The following INPP5D variants were observed in gnomAD, a reference collection of about 807,000 sequenced individuals.
INPP5D encodes the protein phosphatidylinositol 3,4,5-trisphosphate 5-phosphatase 1.
Under a neutral mutation model 122.9 loss-of-function variants are expected in INPP5D, and 33 were observed. The ratio of observed to expected loss-of-function variants is 0.27; its 90% CI spans 0.20 to 0.36. The LOEUF is 0.36. INPP5D is among the 10% of genes least tolerant of loss of function. The pLI is 1.00. For missense variants in INPP5D, 1,053 were observed against 1,412.7 expected (o/e 0.75, Z 4.08); for synonymous variants, 584 against 576.2 (o/e 1.01, Z -0.19).
At chr2:233,173,296 G>A (rs975955380) in intron 17 of INPP5D, among the ~76,000 whole-genome samples, 7 of 152,082 alleles carry the variant, frequency 4.6e-5, no homozygotes, top group African/African-American at 1.7e-4. Context: ...TGCTCTGGGT[G>A]AGTCAGTGAG....
At chr2:233,159,740 C>CACA (rs1268107932) in intron 10 of INPP5D, among the ~76,000 whole-genome samples, 1 of 149,128 alleles carries the variant, frequency 6.7e-6, no homozygotes, top group African/African-American at 2.5e-5. Context: ...GGGTGTCCAT[C>CACA]ACATCAGGTG....
At chr2:233,156,353 G>A (rs902482904) in intron 9 of INPP5D, among the ~76,000 whole-genome samples, 3 of 152,168 alleles carry the variant, frequency 2.0e-5, no homozygotes, top group East Asian at 1.9e-4. Context: ...GCAGTGACAC[G>A]ATCTTGGCTC....
chr2:233,157,708 A>C (rs1013218884), intron 9 of INPP5D, among the ~76,000 whole-genome samples: 2 of 151,990 alleles, frequency 1.3e-5, no homozygotes, highest in Non-Finnish European at 2.9e-5. Flanking sequence ...ATGTAATAGG[A>C]CATAATGAAA....
At chr2:233,150,697 C>T (rs1184235408) in intron 9 of INPP5D, among the ~76,000 whole-genome samples, 1 of 152,216 alleles carries the variant, frequency 6.6e-6, no homozygotes, top group Non-Finnish European at 1.5e-5. Context: ...GCCAGCCCTT[C>T]ATCGTGAACG....
chr2:233,094,324 C>G (rs1260123764), intron 2 of INPP5D, among the ~76,000 whole-genome samples: 1 of 151,658 alleles, frequency 6.6e-6, no homozygotes, highest in Non-Finnish European at 1.5e-5. Context: ...ACCAGACTGA[C>G]CAACATGGTG....
intron 9 of INPP5D, among the ~76,000 whole-genome samples, chr2:233,153,434 C>T (rs1177502729): frequency 2.0e-5 from 3 of 152,078 alleles, no homozygotes; most frequent in Non-Finnish European, 2.9e-5. Flanking sequence ...AGGCAAAACC[C>T]ACAGGGAAAG....
intron 5 of INPP5D, among the ~76,000 whole-genome samples, chr2:233,138,851 C>G (rs947528724): frequency 2.0e-5 from 3 of 151,944 alleles, no homozygotes; most frequent in African/African-American, 7.3e-5. Context: ...GTTCACACCA[C>G]TCTCCTGCCT....
chr2:233,177,071 G>T lies in INPP5D; in HGVS notation c.1990-194G>T, dbSNP rs1694657804. Among the ~76,000 whole-genome samples the T allele has an allele frequency of 6.6e-6, 1 of 152,116 alleles. No individual in the cohort carries two copies. Among genetic ancestry groups the T allele is most frequent in the Admixed American group, 6.5e-5 (1 of 15,270 alleles). ...GCAAGGTGAGTTATCTTAGTCTAAAGAAGAAGGCGTGGCAGTGGAGTCTGG... is the reference window on the plus strand; with the variant it reads ...GCAAGGTGAGTTATCTTAGTCTAAATAAGAAGGCGTGGCAGTGGAGTCTGG... On this transcript the variant is annotated intron_variant, in intron 17 of 26. Transcript: ENST00000445964. The surrounding 1 kb of genome is among the most constrained non-coding windows in gnomAD (Gnocchi z 4.2).
At chr2:233,195,668 G>A (rs10184028) in intron 24 of INPP5D, among the ~76,000 whole-genome samples, 173 bp downstream of exon 24, 2 of 152,036 alleles carry the variant, frequency 1.3e-5, no homozygotes, top group South Asian at 4.1e-4. Context: ...GCAACATATC[G>A]AGACCCTGTC....
At chr2:233,077,859 CAAA>C (rs10710966) in intron 1 of INPP5D, among the ~76,000 whole-genome samples, 50 of 115,638 alleles carry the variant, frequency 4.3e-4, no homozygotes, top group African/African-American at 1.0e-3. Flanking sequence ...GACTCCGTCT[CAAA>C]AAAAAAAAAA....
At chr2:233,140,107 A>G (rs968123028) in intron 6 of INPP5D, 178 bp downstream of exon 6, 1 of 384,556 alleles carries the variant, frequency 2.6e-6, no homozygotes, top group African/African-American at 2.1e-5. Flanking sequence ...CCTTTCCAGG[A>G]AGCCATCTCC....
In INPP5D at chr2:233,185,824, C is replaced by G; in HGVS notation, c.2276-19C>G. The G allele has an allele frequency of 1.3e-6, 2 of 1,585,720 alleles. No individual in the cohort carries two copies. The highest frequency in any genetic ancestry group is 2.3e-5 in the East Asian group (1 of 43,692). On this transcript the variant is annotated intron_variant, in intron 20 of 26. Coordinates refer to ENST00000445964, the MANE Select transcript of INPP5D (RefSeq NM_001017915.3). ...TCTTGCTCTGTTTTCTGAAAACCAG[C>G]CTTTTTGTCCTCCAACAGGTTTTGT...
intron 23 of INPP5D, 79 bp downstream of exon 23, chr2:233,194,040 G>A: frequency 6.8e-7 from 1 of 1,466,738 alleles, no homozygotes; most frequent in Non-Finnish European, 9.0e-7. Flanking sequence ...CAGCAAAGCT[G>A]TCGAATATGC....
At position 233,190,073 on chromosome 2, in the gene INPP5D, T is replaced by C. The variant is rs567698793; in HGVS notation, c.2446+136T>C. ...CCTTTCCTCATCCCAGGGCTGCTAG[T>C]GGGACCGTCACCACTAAGTCATCCT... On this transcript the variant is annotated intron_variant, in intron 22 of 26. Transcript: ENST00000445964. 5.1e-6 allele frequency: 7 copies of C among 1,382,528 alleles called. No individual in the cohort carries two copies. The African/African-American group carries it at 5.8e-5, about 11-fold the overall frequency. The allele number at this position is 1,382,528 out of a possible 1,614,324, so 85.6% of individuals were successfully genotyped here.
Position 233,078,024 on chromosome 2 carries a change from G to A in INPP5D, c.135-1311G>A, listed in dbSNP as rs940743508. Among the ~76,000 whole-genome samples, 7 of 152,136 alleles carry A rather than the reference G, an allele frequency of 4.6e-5. No individual in the cohort carries two copies. Among genetic ancestry groups the A allele is most frequent in the African/African-American group, 1.7e-4 (7 of 41,418 alleles). On this transcript the variant is annotated intron_variant, in intron 1 of 26. Transcript: ENST00000445964. The surrounding 1 kb of genome is among the most constrained non-coding windows in gnomAD (Gnocchi z 4.6). ...GTCTACAGGGCTCTACGGGCCAGGT[G>A]AGCCTTCCGGGCTCAGGAGAATCTT... is the stretch of plus-strand genomic sequence containing the variant.
intron 5 of INPP5D, among the ~76,000 whole-genome samples, chr2:233,131,659 C>T (rs2106265251): frequency 6.6e-6 from 1 of 152,326 alleles, no homozygotes; most frequent in South Asian, 2.1e-4. Context: ...GAGATCTCGC[C>T]ACTGCACTCC....
At chr2:233,169,848 TG>T in intron 14 of INPP5D, 177 bp from the exon 15 acceptor site, 1 of 1,222,424 alleles carries the variant, frequency 8.2e-7, no homozygotes, top group Non-Finnish European at 1.1e-6. Context: ...CTTTGCATCC[TG>T]GCTGTGCCAT....
chr2:233,153,137 G>T (rs1265997592), intron 9 of INPP5D, among the ~76,000 whole-genome samples: 1 of 152,228 alleles, frequency 6.6e-6, no homozygotes, highest in Non-Finnish European at 1.5e-5. Flanking sequence ...TGGGGAAGGT[G>T]GGGCGCTGAC....
chr2:233,095,553 G>A (rs1574721095), intron 2 of INPP5D, among the ~76,000 whole-genome samples: 1 of 150,474 alleles, frequency 6.6e-6, no homozygotes, highest in Non-Finnish European at 1.5e-5. Flanking sequence ...AACCTGGGAG[G>A]CAGAGGTCGC....
Sources: allele counts gnomAD v4.1 joint callset (sites outside exome capture counted in the v4.1 genomes callset), GRCh38; gene constraint gnomAD v4.1.1; non-coding constraint Gnocchi (gnomAD v3.1); transcripts MANE v1.5; gene names NCBI Gene and HGNC (gene_info 2026-07-23, HGNC 2026-07-21).